LPXN: variants seen among roughly 807,000 people sequenced by gnomAD.
The protein encoded by LPXN is leupaxin.
A neutral mutation model predicts 45.6 loss-of-function variants in LPXN; 28 were observed. The observed-to-expected ratio is 0.61, with a 90% CI of 0.45 to 0.84. The LOEUF (loss-of-function observed/expected upper bound fraction) is 0.84, where lower values mean the gene tolerates loss of function less well. Ranked by LOEUF, LPXN falls within the 40% of genes least tolerant of loss-of-function variation. The probability of loss-of-function intolerance (pLI) is 0.00; values close to 1 mark genes in which losing one functional copy is unlikely to be tolerated. For missense variants in LPXN, 459 were observed against 475.0 expected (o/e 0.97, Z 0.31); for synonymous variants, 166 against 169.9 (o/e 0.98, Z 0.18).
chr11:58,559,979 G>T (rs927109883), intron 3 of LPXN, among the ~76,000 whole-genome samples: 6 of 152,208 alleles, frequency 3.9e-5, no homozygotes, highest in African/African-American at 1.4e-4. Flanking sequence ...AGAAGAACCT[G>T]ACAGCAGTTA....
chr11:58,541,194 C>G (rs1233525633), intron 7 of LPXN, among the ~76,000 whole-genome samples: 1 of 152,132 alleles, frequency 6.6e-6, no homozygotes, highest in Non-Finnish European at 1.5e-5. Context: ...CAAATGGGAT[C>G]TAATTAAACT....
intron 7 of LPXN, among the ~76,000 whole-genome samples, chr11:58,545,048 C>A (rs988919570): frequency 5.3e-5 from 8 of 152,250 alleles, no homozygotes; most frequent in Admixed American, 5.2e-4. Context: ...ATGAACTGAT[C>A]ATATGGCAGG....
upstream of LPXN, among the ~76,000 whole-genome samples, chr11:58,576,155 C>A (rs1854882923): frequency 6.6e-6 from 1 of 151,876 alleles, no homozygotes; most frequent in Non-Finnish European, 1.5e-5. Flanking sequence ...GTAGGTACCC[C>A]ACTCTGAGCA....
chr11:58,547,320 C>T (rs887212311), intron 7 of LPXN, among the ~76,000 whole-genome samples: 1 of 152,100 alleles, frequency 6.6e-6, no homozygotes, highest in African/African-American at 2.4e-5. Context: ...AGAATCTTTA[C>T]AAAACAAATC....
rs532796247 is a variant in LPXN, at chr11:58,542,352, G to A, written c.742+7434C>T. On this transcript the variant is annotated intron_variant, in intron 7 of 8. Transcript: ENST00000395074. ...GTGTTAAATAAATATACTCAATACT[G>A]GAAGATATATGGAATGATCCATATA... is the stretch of plus-strand genomic sequence containing the variant. 8.6e-5 allele frequency among the ~76,000 whole-genome samples: 13 copies of A among 151,842 alleles called. No homozygotes were observed. The South Asian group carries it at 2.7e-3, about 32-fold the overall frequency.
chr11:58,560,809 T>C (rs1484572201), intron 3 of LPXN, among the ~76,000 whole-genome samples: 1 of 152,226 alleles, frequency 6.6e-6, no homozygotes, highest in Non-Finnish European at 1.5e-5. Context: ...CTGTGTGTCC[T>C]GAATTATCTG....
At chr11:58,571,583 G>A (rs1056574339) in intron 1 of LPXN, among the ~76,000 whole-genome samples, 3 of 151,200 alleles carry the variant, frequency 2.0e-5, no homozygotes, top group African/African-American at 7.3e-5. Context: ...AATGGTTGGG[G>A]ATAAAACTGA....
At chr11:58,531,223 G>A (rs1853377670) in intron 7 of LPXN, among the ~76,000 whole-genome samples, 1 of 152,094 alleles carries the variant, frequency 6.6e-6, no homozygotes, top group Non-Finnish European at 1.5e-5. Context: ...GATAGAAGTA[G>A]GCTTCAGAAG....
At chr11:58,535,070 C>T (rs563098287) in intron 7 of LPXN, among the ~76,000 whole-genome samples, 1 of 152,266 alleles carries the variant, frequency 6.6e-6, no homozygotes, top group East Asian at 1.9e-4. Flanking sequence ...GGTGGATTCA[C>T]AGCAGAATTC....
intron 7 of LPXN, among the ~76,000 whole-genome samples, chr11:58,531,934 C>A (rs768470726): frequency 6.6e-6 from 1 of 152,224 alleles, no homozygotes; most frequent in Non-Finnish European, 1.5e-5. Flanking sequence ...CCTCTGCCTG[C>A]GGGGAGGTGT....
intron 1 of LPXN, among the ~76,000 whole-genome samples, chr11:58,572,162 C>G (rs1854725019): frequency 1.3e-5 from 2 of 151,812 alleles, no homozygotes; most frequent in South Asian, 4.1e-4. Flanking sequence ...AAGGACCTGC[C>G]TACATCTAAA....
At chr11:58,536,605 A>C (rs1009579872) in intron 7 of LPXN, among the ~76,000 whole-genome samples, 2 of 152,214 alleles carry the variant, frequency 1.3e-5, no homozygotes, top group Non-Finnish European at 2.9e-5. Flanking sequence ...ATAGACAAAG[A>C]CTTCATGACT....
intron 7 of LPXN, among the ~76,000 whole-genome samples, chr11:58,535,351 G>C (rs1210194076): frequency 6.6e-6 from 1 of 152,164 alleles, no homozygotes; most frequent in African/African-American, 2.4e-5. Flanking sequence ...TACCTGGGAC[G>C]CAAGGCTGGT....
chr11:58,540,948 C>A (rs868710334), intron 7 of LPXN, among the ~76,000 whole-genome samples: 1 of 152,134 alleles, frequency 6.6e-6, no homozygotes, highest in African/African-American at 2.4e-5. Flanking sequence ...GAAGGATTCC[C>A]CATTTAATAA....
chr11:58,571,654 GT>G (rs1157000081), intron 1 of LPXN, among the ~76,000 whole-genome samples: 8 of 145,900 alleles, frequency 5.5e-5, no homozygotes, highest in Admixed American at 3.4e-4. Flanking sequence ...TACTCTTTCA[GT>G]TTTTTTTCTT....
intron 7 of LPXN, among the ~76,000 whole-genome samples, chr11:58,532,553 G>A (rs549526922): frequency 6.6e-6 from 1 of 151,408 alleles, no homozygotes; most frequent in African/African-American, 2.4e-5. Flanking sequence ...ACCAATCAGT[G>A]CTCTGTGTCT....
upstream of LPXN, chr11:58,578,177 C>T (rs567372877): frequency 1.6e-6 from 2 of 1,249,524 alleles, no homozygotes. Flanking sequence ...AGGAAAAACC[C>T]TCCCATCAGA....
chr11:58,558,011 G>T (rs1207916436), intron 3 of LPXN, among the ~76,000 whole-genome samples: 5 of 151,290 alleles, frequency 3.3e-5, no homozygotes, highest in Non-Finnish European at 7.4e-5. Context: ...AGACAATTTT[G>T]GAAAAACAAA....
chr11:58,564,248 T>C (rs372782264), intron 2 of LPXN, 47 bp from the exon 3 acceptor site: 3 of 1,352,300 alleles, frequency 2.2e-6, no homozygotes, highest in Non-Finnish European at 3.2e-6. Flanking sequence ...AAATTTTTGT[T>C]ATCAGAATGT....
Sources: gnomAD v4.1 joint callset for allele counts (sites outside exome capture counted in the v4.1 genomes callset) on GRCh38, gnomAD v4.1.1 for gene constraint, MANE v1.5 for transcripts, NCBI Gene and HGNC (gene_info 2026-07-23, HGNC 2026-07-21) for gene names.